Variants in VRK1 observed in about 807,000 individuals in gnomAD.
VRK1 encodes the protein serine/threonine-protein kinase VRK1.
VRK1 carries 33 observed loss-of-function variants against 57.1 expected under a neutral mutation model. The ratio of observed to expected loss-of-function variants is 0.58; its 90% confidence interval spans 0.44 to 0.77. VRK1 has a LOEUF of 0.77. Ranked by LOEUF, VRK1 falls within the 30% of genes least tolerant of loss-of-function variation. The pLI is 0.00. For missense variants in VRK1, 413 were observed against 477.3 expected (o/e 0.87, Z 1.25); for synonymous variants, 137 against 147.8 (o/e 0.93, Z 0.53).
intron 3 of VRK1, among the ~76,000 whole-genome samples, chr14:96,843,034 G>A (rs898680286): frequency 2.0e-5 from 3 of 152,204 alleles, no homozygotes; most frequent in Admixed American, 6.5e-5. Flanking sequence ...TTGGAGTGAA[G>A]TTAAGACATA....
chr14:96,808,017 CTGTGTGTGTGTGTGTGTG>C (rs3049309), intron 1 of VRK1, among the ~76,000 whole-genome samples: 8 of 127,240 alleles, frequency 6.3e-5, no homozygotes, highest in Non-Finnish European at 1.3e-4. Context: ...CTCTCTCCCT[CTGTGTGTGTGTGTGTGTG>C]TGTGTGTGTG....
intron 1 of VRK1, among the ~76,000 whole-genome samples, chr14:96,824,133 A>G (rs1205615113): frequency 1.3e-5 from 2 of 152,210 alleles, no homozygotes; most frequent in Middle Eastern, 3.2e-3. Flanking sequence ...TTAAATATAT[A>G]ATTTATTTTC....
At chr14:96,803,363 G>T (rs79859089) in intron 1 of VRK1, among the ~76,000 whole-genome samples, 1 of 151,870 alleles carries the variant, frequency 6.6e-6, no homozygotes, top group Admixed American at 6.6e-5. Context: ...TAGAGACAGG[G>T]TTTCACCATT....
chr14:96,867,197 A>G (rs1295543839), intron 11 of VRK1, among the ~76,000 whole-genome samples: 1 of 151,946 alleles, frequency 6.6e-6, no homozygotes, highest in East Asian at 1.9e-4. Flanking sequence ...TATGTTTCAG[A>G]GTATATGCTC....
At position 96,866,445 on chromosome 14, in the gene VRK1, CTT is replaced by C. The variant is rs1888588957; in HGVS notation, c.1068+5711_1068+5712del. Among the ~76,000 whole-genome samples the C allele has an allele frequency of 2.0e-5, 3 of 152,250 alleles. No homozygotes were observed. The East Asian group carries it at 5.8e-4, about 29-fold the overall frequency. ...GAAAGAAAGACTATATTGGCGATCT[CTT>C]CTCCATGACTTTAGTTCTTTATGTG... On this transcript the variant is annotated intron_variant, in intron 11 of 12. Coordinates refer to ENST00000216639, the MANE Select transcript of VRK1 (RefSeq NM_003384.3).
At chr14:96,813,710 T>G (rs1886290982) in intron 1 of VRK1, among the ~76,000 whole-genome samples, 1 of 152,202 alleles carries the variant, frequency 6.6e-6, no homozygotes, top group Non-Finnish European at 1.5e-5. Context: ...ACTATTTTTA[T>G]GGCATTTATA....
intron 11 of VRK1, among the ~76,000 whole-genome samples, chr14:96,874,532 A>G (rs1888950425): frequency 6.6e-6 from 1 of 152,212 alleles, no homozygotes; most frequent in South Asian, 2.1e-4. Flanking sequence ...ATATGAAGTT[A>G]TAGCCACTCT....
chr14:96,870,009 TA>T (rs1205421404), intron 11 of VRK1, among the ~76,000 whole-genome samples: 1 of 152,196 alleles, frequency 6.6e-6, no homozygotes, highest in African/African-American at 2.4e-5. Flanking sequence ...AGTATTATAT[TA>T]AATAGTTTTC....
chr14:96,799,117 G>A (rs1885555733), intron 1 of VRK1, among the ~76,000 whole-genome samples: 1 of 152,144 alleles, frequency 6.6e-6, no homozygotes, highest in Non-Finnish European at 1.5e-5. Context: ...ATTATGAGAG[G>A]ATATTTGTTA....
intron 1 of VRK1, among the ~76,000 whole-genome samples, chr14:96,802,171 A>G (rs1024780136): frequency 2.6e-5 from 4 of 152,234 alleles, no homozygotes; most frequent in Non-Finnish European, 4.4e-5. Context: ...GGAATGTAAA[A>G]TGATATAACC....
intron 2 of VRK1, among the ~76,000 whole-genome samples, chr14:96,835,959 CTGA>C (rs1277472099): frequency 1.3e-5 from 2 of 152,166 alleles, no homozygotes; most frequent in Non-Finnish European, 2.9e-5. Context: ...TTAAACCTCT[CTGA>C]TGACTCTCCA....
chr14:96,874,813 TGTA>T (rs1888962077), intron 11 of VRK1, among the ~76,000 whole-genome samples: 1 of 152,228 alleles, frequency 6.6e-6, no homozygotes, highest in Non-Finnish European at 1.5e-5. Flanking sequence ...AGCTTTCCCA[TGTA>T]GTTCTCTTTG....
At chr14:96,816,865 C>A (rs1237146053) in intron 1 of VRK1, among the ~76,000 whole-genome samples, 1 of 152,134 alleles carries the variant, frequency 6.6e-6, no homozygotes, top group Non-Finnish European at 1.5e-5. Flanking sequence ...GAGTCAAAGT[C>A]AACTGTGAGA....
chr14:96,798,531 T>C (rs1047150351), intron 1 of VRK1, among the ~76,000 whole-genome samples: 8 of 152,258 alleles, frequency 5.3e-5, no homozygotes, highest in South Asian at 4.1e-4. Context: ...TAGGGAACTG[T>C]TGAAGAACTT....
At chr14:96,830,324 T>C (rs1286104557) in intron 1 of VRK1, among the ~76,000 whole-genome samples, 1 of 152,120 alleles carries the variant, frequency 6.6e-6, no homozygotes, top group East Asian at 1.9e-4. Context: ...CTTTGTTATA[T>C]GTATGTTGGT....
At chr14:96,833,264 T>A (rs1172924569) in intron 1 of VRK1, among the ~76,000 whole-genome samples, 1 of 152,200 alleles carries the variant, frequency 6.6e-6, no homozygotes, top group Non-Finnish European at 1.5e-5. Flanking sequence ...GTTGCATATA[T>A]GATTTTATTG....
intron 11 of VRK1, among the ~76,000 whole-genome samples, chr14:96,861,832 A>C (rs1233270089): frequency 1.3e-5 from 2 of 151,890 alleles, no homozygotes; most frequent in Admixed American, 6.6e-5. Flanking sequence ...TGAAAACTGT[A>C]TCTGTTTGAA....
intron 3 of VRK1, among the ~76,000 whole-genome samples, chr14:96,842,249 A>G (rs1348286751): frequency 3.3e-5 from 5 of 152,126 alleles, no homozygotes; most frequent in African/African-American, 4.8e-5. Context: ...TGTCTGTACC[A>G]TAGAGAGCAG....
intron 12 of VRK1, chr14:96,877,574 G>A: frequency 7.8e-7 from 1 of 1,289,524 alleles, no homozygotes; most frequent in Non-Finnish European, 1.0e-6. Flanking sequence ...AGCTATGACA[G>A]TGAGTGGGAA....
Sources: allele counts gnomAD v4.1 joint callset (sites outside exome capture counted in the v4.1 genomes callset), GRCh38; gene constraint gnomAD v4.1.1; transcripts MANE v1.5; gene names NCBI Gene and HGNC (gene_info 2026-07-23, HGNC 2026-07-21).